The following PI4KA variants were observed in gnomAD, a reference collection of about 807,000 sequenced individuals.
PI4KA encodes the protein PI4-kinase alpha.
PI4KA carries 122 observed loss-of-function variants against 271.4 expected under a neutral mutation model. The observed-to-expected ratio is 0.45, with a 90% CI of 0.39 to 0.52. The LOEUF is 0.52. PI4KA is among the 20% of genes least tolerant of loss of function. The probability of loss-of-function intolerance (pLI) is 0.00; values close to 1 mark genes in which losing one functional copy is unlikely to be tolerated. For missense variants in PI4KA, 1,969 were observed against 2,769.1 expected, an observed-to-expected ratio of 0.71 and a Z score of 6.48; for synonymous variants, 1,041 against 1,078.8, an observed-to-expected ratio of 0.96 and a Z score of 0.69.
At chr22:20,758,387 A>T (rs1194042083) in intron 23 of PI4KA, among the ~76,000 whole-genome samples, 1 of 113,880 alleles carries the variant, frequency 8.8e-6, no homozygotes, top group Admixed American at 1.2e-4. Flanking sequence ...AAAAAAAAAA[A>T]AACATGAGAT....
At chr22:20,797,865 G>C (rs564758197) in intron 17 of PI4KA, among the ~76,000 whole-genome samples, 1 of 152,152 alleles carries the variant, frequency 6.6e-6, no homozygotes, top group Non-Finnish European at 1.5e-5. Context: ...GCCTGCAAAG[G>C]GGCTCTCTTC....
At chr22:20,856,537 C>A (rs979626381) in intron 1 of PI4KA, among the ~76,000 whole-genome samples, 3 of 151,270 alleles carry the variant, frequency 2.0e-5, no homozygotes, top group Non-Finnish European at 4.4e-5. Flanking sequence ...CAGGTTCAAG[C>A]GATTCTCCTG....
chr22:20,827,094 CTT>C (rs1376192419), intron 3 of PI4KA, among the ~76,000 whole-genome samples: 1 of 152,096 alleles, frequency 6.6e-6, no homozygotes, highest in African/African-American at 2.4e-5. Context: ...CTTTTGGCAT[CTT>C]TGTCATTAAA....
At chr22:20,819,418 C>T (rs1922299393) in intron 6 of PI4KA, among the ~76,000 whole-genome samples, 1 of 151,092 alleles carries the variant, frequency 6.6e-6, no homozygotes, top group Non-Finnish European at 1.5e-5. Context: ...CTTTTTACAC[C>T]TCATTGTTTT....
At chr22:20,841,801 G>A (rs906937050) in intron 1 of PI4KA, among the ~76,000 whole-genome samples, 5 of 152,200 alleles carry the variant, frequency 3.3e-5, no homozygotes, top group Middle Eastern at 3.2e-3. Flanking sequence ...GGAGAAGAGA[G>A]AGGCAGAAGA....
At position 20,842,836 on chromosome 22, in the gene PI4KA, C is replaced by T. The variant is rs533703599; in HGVS notation, c.157-4105G>A. Among the ~76,000 whole-genome samples the T allele has an allele frequency of 1.1e-4, 17 of 148,190 alleles. No homozygotes were observed. In the South Asian group the frequency reaches 3.0e-3, roughly 26 times the overall value. On this transcript the variant is annotated intron_variant, in intron 1 of 54. Transcript: ENST00000255882. ...TCTCAAAAAAAAAAAAAAGGCCGGG[C>T]GCAGTGGCTCACGCCTGTAATCCCA...
intron 1 of PI4KA, among the ~76,000 whole-genome samples, chr22:20,854,022 CT>C (rs1198268475): frequency 1.3e-5 from 2 of 151,766 alleles, no homozygotes; most frequent in African/African-American, 4.8e-5. Context: ...GGCTGACTTG[CT>C]GCTGTTCACC....
At chr22:20,769,668 C>CAA (rs361824) in intron 19 of PI4KA, among the ~76,000 whole-genome samples, 1,732 of 124,244 alleles carry the variant, frequency 0.014, 16 homozygotes, top group Non-Finnish European at 0.021. Flanking sequence ...GACGCCATTT[C>CAA]AAAAAAAAAA....
intron 4 of PI4KA, among the ~76,000 whole-genome samples, chr22:20,821,180 T>C (rs1569072433): frequency 6.6e-6 from 1 of 152,254 alleles, no homozygotes; most frequent in Admixed American, 6.5e-5. Flanking sequence ...ACACTGCTTA[T>C]GTGAAGCTCA....
rs58742158 is a variant in PI4KA at position 20,767,936 on chromosome 22, A to AATTATTATTATT, written c.2329-2255_2329-2244dup. ...AGGTGTGAGCCACCACACCTGGCCTAATTATTATTATTATTATTATTATTA... is the reference window on the plus strand; with the variant it reads ...AGGTGTGAGCCACCACACCTGGCCTAATTATTATTATTATTATTATTATTATTATTATTATTA... On this transcript the variant is annotated intron_variant, in intron 19 of 54. Transcript: ENST00000255882. Among the ~76,000 whole-genome samples, 1,192 of 141,514 alleles carry AATTATTATTATT rather than the reference A, an allele frequency of 8.4e-3. 9 individuals are homozygous for AATTATTATTATT. The highest frequency in any genetic ancestry group is 0.012 in the Non-Finnish European group (793 of 65,486). 92.8% of individuals were successfully genotyped at this position (141,514 alleles called of 152,430 possible).
chr22:20,715,181 C>T (rs1450193773), intron 45 of PI4KA, among the ~76,000 whole-genome samples: 1 of 151,502 alleles, frequency 6.6e-6, no homozygotes, highest in African/African-American at 2.4e-5. Flanking sequence ...AGCAATTCTT[C>T]TGCCTCAGCC....
chr22:20,858,796 A>G lies in PI4KA; in HGVS notation c.-71T>C. The G allele has an allele frequency of 7.4e-7, 1 of 1,360,056 alleles. No homozygotes were observed. The highest frequency in any genetic ancestry group is 9.5e-7 in the Non-Finnish European group (1 of 1,054,408). The allele number at this position is 1,360,056 out of a possible 1,614,324, so 84.2% of individuals were successfully genotyped here. On this transcript the variant is annotated 5_prime_UTR_variant, in exon 1 of 55. Transcript: ENST00000255882. ...CCGCGAGCGCCCGACCTCAGGGCGC[A>G]GGCGTAGGTGCATCCGGCTTTCCCG...
At chr22:20,815,547 T>C (rs1323898071) in intron 7 of PI4KA, among the ~76,000 whole-genome samples, 1 of 152,208 alleles carries the variant, frequency 6.6e-6, no homozygotes, top group African/African-American at 2.4e-5. Context: ...AGAGTTTAGT[T>C]TAGCTCCAGT....
rs1470696955 is a variant in PI4KA, at chr22:20,858,798, G to A, written c.-73C>T. 19 of 1,364,324 alleles carry A rather than the reference G, an allele frequency of 1.4e-5. No homozygotes were observed. Among genetic ancestry groups the A allele is most frequent in the African/African-American group, 7.7e-5 (5 of 65,060 alleles). 84.5% of individuals were successfully genotyped at this position (1,364,324 alleles called of 1,614,324 possible). On this transcript the variant is annotated 5_prime_UTR_variant, in exon 1 of 55. Coordinates refer to ENST00000255882, the MANE Select transcript of PI4KA (RefSeq NM_058004.4). ...GCGAGCGCCCGACCTCAGGGCGCAG[G>A]CGTAGGTGCATCCGGCTTTCCCGCC...
intron 4 of PI4KA, among the ~76,000 whole-genome samples, chr22:20,821,085 C>A (rs1214171293): frequency 1.3e-5 from 2 of 152,194 alleles, no homozygotes; most frequent in Admixed American, 6.5e-5. Flanking sequence ...ATCTGGGATG[C>A]TGGAACTCAC....
At chr22:20,783,176 C>T (rs1933930543) in intron 19 of PI4KA, among the ~76,000 whole-genome samples, 1 of 152,196 alleles carries the variant, frequency 6.6e-6, no homozygotes, top group South Asian at 2.1e-4. Context: ...CTAACATAGA[C>T]ATGGGCTTAT....
At position 20,807,434 on chromosome 22, in the gene PI4KA, A is replaced by G. The variant is rs905696699; in HGVS notation, c.1096T>C (p.Tyr366His). Reference protein sequence around the residue: ...MEANPSADLYYTSFSDPLYLT... With the variant: ...MEANPSADLYHTSFSDPLYLT... ...TAGAGAGGGTCACTGAAGGAAGTGT[A>G]GTAGAGATCAGCACTGGGGTTGGCC... Residue 366 changes from tyrosine to histidine, a missense_variant, in exon 10 of 55, where the codon TAC becomes CAC. Physicochemically the swap from Tyr to His is moderately conservative, Grantham distance 83. Transcript: ENST00000255882. The G allele has an allele frequency of 6.2e-7, 1 of 1,612,526 alleles. No homozygotes were observed. The highest frequency in any genetic ancestry group is 8.5e-7 in the Non-Finnish European group (1 of 1,178,646).
At position 20,802,059 on chromosome 22, in the gene PI4KA, C is replaced by G. The variant is rs1188890062; in HGVS notation, c.1638G>C (p.Glu546Asp). Residue 546 changes from glutamate to aspartate, a missense_variant, in exon 14 of 55, where the codon GAG (glutamate) becomes GAC (aspartate). Physicochemically the swap from Glu to Asp is conservative, Grantham distance 45. Around this residue, in one of 13 missense-constraint regions of PI4KA, gnomAD observed 228 missense variants for 261.6 expected, o/e 0.87. Coordinates refer to ENST00000255882, the MANE Select transcript of PI4KA (RefSeq NM_058004.4). The part of the protein sequence containing the change: ...IKISVTNEHS[E>D]STLNVMSGKK... ...TACCCGACATGACGTTCAGGGTTGA[C>G]TCGGAATGCTCATTGGTCACACTGA... is the stretch of plus-strand genomic sequence containing the variant. 6.2e-7 allele frequency: 1 copy of G among 1,614,040 alleles called. No homozygotes were observed. Among genetic ancestry groups the G allele is most frequent in the South Asian group, 1.1e-5 (1 of 91,078 alleles).
chr22:20,745,658 G>A (rs559904577), intron 29 of PI4KA, among the ~76,000 whole-genome samples: 10 of 152,148 alleles, frequency 6.6e-5, no homozygotes, highest in Admixed American at 6.5e-4. Context: ...GAAACAATGC[G>A]GTCTTTGGCA....
Sources: allele counts gnomAD v4.1 joint callset (sites outside exome capture counted in the v4.1 genomes callset), GRCh38; gene constraint gnomAD v4.1.1; regional missense constraint gnomAD v4.1.1; transcripts MANE v1.5; gene names NCBI Gene and HGNC (gene_info 2026-07-23, HGNC 2026-07-21).